Variants in FLT1 observed in about 807,000 individuals in gnomAD.
FLT1 encodes the protein fms related receptor tyrosine kinase 1.
In FLT1, 49 loss-of-function variants were observed where a neutral mutation model predicts 156.3. The observed-to-expected ratio is 0.31, with a 90% CI of 0.25 to 0.40. The LOEUF is 0.40. Among genes scored for constraint, FLT1 ranks in the 10% least tolerant of loss-of-function variants. FLT1 has a pLI of 1.00. For synonymous variants in FLT1, 594 were observed against 583.8 expected (o/e 1.02, Z -0.25); for missense variants, 1,322 against 1,637.2 (o/e 0.81, Z 3.32).
At chr13:28,413,411 C>T (rs1876442619) in intron 10 of FLT1, among the ~76,000 whole-genome samples, 1 of 150,936 alleles carries the variant, frequency 6.6e-6, no homozygotes, top group Admixed American at 6.6e-5. Flanking sequence ...CAGCTCCCCA[C>T]TCTCCTTCAC....
intron 1 of FLT1, among the ~76,000 whole-genome samples, chr13:28,491,372 T>A (rs945020397): frequency 6.6e-6 from 1 of 152,174 alleles, no homozygotes; most frequent in South Asian, 2.1e-4. Flanking sequence ...GTTAATCAAA[T>A]AAGTGTTAGC....
chr13:28,362,408 C>T (rs543417151), intron 14 of FLT1, among the ~76,000 whole-genome samples: 27 of 152,264 alleles, frequency 1.8e-4, no homozygotes, highest in African/African-American at 6.0e-4. Context: ...ACAGTTGCTC[C>T]GGGTCAATGA....
At chr13:28,432,184 G>A (rs1454443565) in intron 6 of FLT1, among the ~76,000 whole-genome samples, 1 of 152,052 alleles carries the variant, frequency 6.6e-6, no homozygotes, top group Non-Finnish European at 1.5e-5. Flanking sequence ...ATAGTCATAG[G>A]GGGCGGAGGG....
intron 19 of FLT1, among the ~76,000 whole-genome samples, chr13:28,327,892 C>A (rs1037396242): frequency 2.0e-5 from 3 of 152,130 alleles, no homozygotes; most frequent in African/African-American, 7.2e-5. Context: ...CAGACCCTTG[C>A]GAGTAGAGCG....
chr13:28,449,404 C>T lies in FLT1; in HGVS notation c.389-11059G>A, dbSNP rs888856094. On this transcript the variant is annotated intron_variant, in intron 3 of 29. Transcript: ENST00000282397. Reference sequence around the variant, plus strand: ...TGGGTATTATAGTCCACATGGAATGCGCAATTTAATATCTCCTAGTAAGCT... The same window carrying T: ...TGGGTATTATAGTCCACATGGAATGTGCAATTTAATATCTCCTAGTAAGCT... 2.6e-5 allele frequency among the ~76,000 whole-genome samples: 4 copies of T among 152,162 alleles called. 1 individual carries two copies. In the South Asian group the frequency reaches 6.2e-4, roughly 24 times the overall value.
At chr13:28,463,442 T>C (rs2137614553) in intron 3 of FLT1, among the ~76,000 whole-genome samples, 1 of 152,340 alleles carries the variant, frequency 6.6e-6, no homozygotes, top group Non-Finnish European at 1.5e-5. Context: ...CTGATTCTTT[T>C]TCTTAAAACC....
At chr13:28,445,143 G>A (rs942960312) in intron 3 of FLT1, among the ~76,000 whole-genome samples, 2 of 152,078 alleles carry the variant, frequency 1.3e-5, no homozygotes, top group Non-Finnish European at 1.5e-5. Flanking sequence ...AGCCAGACAA[G>A]CCAAGAAAAA....
chr13:28,414,209 T>G (rs1876508681), intron 10 of FLT1, among the ~76,000 whole-genome samples: 1 of 152,336 alleles, frequency 6.6e-6, no homozygotes, highest in Middle Eastern at 3.4e-3. Context: ...AGGTATCTTA[T>G]GAGCCCCTTA....
chr13:28,487,694 A>G lies in FLT1; in HGVS notation c.64+7086T>C, dbSNP rs538206464. Among the ~76,000 whole-genome samples the G allele has an allele frequency of 3.3e-4, 51 of 152,310 alleles. 1 individual carries two copies. The South Asian group carries it at 0.01, about 30-fold the overall frequency. On this transcript the variant is annotated intron_variant, in intron 1 of 29. Transcript: ENST00000282397. ...GGCAGCGGCACAATGCAGCGAGACA[A>G]TGACACCTCCCTGACAACCAAAAAT...
chr13:28,461,057 T>G (rs189159985), intron 3 of FLT1, among the ~76,000 whole-genome samples: 125 of 151,910 alleles, frequency 8.2e-4, no homozygotes, highest in African/African-American at 2.8e-3. Flanking sequence ...CACTGCAGCC[T>G]CAAATCCTGA....
At chr13:28,412,371 T>C (rs1876309816) in intron 10 of FLT1, among the ~76,000 whole-genome samples, 1 of 132,912 alleles carries the variant, frequency 7.5e-6, no homozygotes. Context: ...TTTCTTTCTT[T>C]CTTTCTTTCT....
At chr13:28,356,546 C>T (rs533063840) in intron 15 of FLT1, among the ~76,000 whole-genome samples, 1 of 152,264 alleles carries the variant, frequency 6.6e-6, no homozygotes, top group African/African-American at 2.4e-5. Flanking sequence ...TTCAGACTTT[C>T]AGGGGGCTCT....
chr13:28,374,284 A>G (rs1873747549), intron 14 of FLT1, among the ~76,000 whole-genome samples: 1 of 151,932 alleles, frequency 6.6e-6, no homozygotes, highest in South Asian at 2.1e-4. Flanking sequence ...GTATGGTGGC[A>G]TGTGACTATA....
At chr13:28,351,625 T>A (rs1459494163) in intron 15 of FLT1, among the ~76,000 whole-genome samples, 1 of 152,206 alleles carries the variant, frequency 6.6e-6, no homozygotes, top group South Asian at 2.1e-4. Context: ...CTAAGGACAG[T>A]GATGTATGGA....
chr13:28,492,575 T>C (rs1483135917), intron 1 of FLT1, among the ~76,000 whole-genome samples: 1 of 152,200 alleles, frequency 6.6e-6, no homozygotes, highest in Non-Finnish European at 1.5e-5. Context: ...ACACCAGGCA[T>C]GCACACACAC....
At chr13:28,311,945 C>G in intron 26 of FLT1, 48 bp downstream of exon 26, 2 of 1,320,238 alleles carry the variant, frequency 1.5e-6, no homozygotes, top group Non-Finnish European at 2.2e-6. Context: ...AAAATGCCCC[C>G]CTGACGTACA....
At chr13:28,390,742 T>G (rs1376399587) in intron 12 of FLT1, among the ~76,000 whole-genome samples, 1 of 152,180 alleles carries the variant, frequency 6.6e-6, no homozygotes, top group African/African-American at 2.4e-5. Flanking sequence ...TACTGGCAAG[T>G]GACACTGGCA....
At chr13:28,461,757 C>A (rs1423434380) in intron 3 of FLT1, among the ~76,000 whole-genome samples, 1 of 152,104 alleles carries the variant, frequency 6.6e-6, no homozygotes, top group African/African-American at 2.4e-5. Flanking sequence ...AATTATTATT[C>A]TCTCCCAGAA....
Position 28,351,797 on chromosome 13 carries a change from G to C in FLT1, c.2248+5757C>G, listed in dbSNP as rs146293381. On this transcript the variant is annotated intron_variant, in intron 15 of 29. Transcript: ENST00000282397. The stretch of plus-strand genomic sequence containing the variant: ...ATTCTGTGGCTTAGAACACCTTTTA[G>C]GTGACCCACTGGTTAAGTCCAGGAA... 4.2e-3 allele frequency among the ~76,000 whole-genome samples: 636 copies of C among 152,296 alleles called. 14 individuals are homozygous for C. The highest frequency in any genetic ancestry group is 0.034 in the East Asian group (174 of 5,192).
Sources: gnomAD v4.1 joint callset for allele counts (sites outside exome capture counted in the v4.1 genomes callset) on GRCh38, gnomAD v4.1.1 for gene constraint, MANE v1.5 for transcripts, NCBI Gene and HGNC (gene_info 2026-07-23, HGNC 2026-07-21) for gene names.